The following OOEP variants were observed in gnomAD, a reference collection of about 807,000 sequenced individuals.
The protein encoded by OOEP is oocyte expressed protein.
OOEP carries 16 observed loss-of-function variants against 13.7 expected under a neutral mutation model. The ratio of observed to expected loss-of-function variants is 1.16; its 90% CI spans 0.79 to 1.77. The LOEUF (loss-of-function observed/expected upper bound fraction) is 1.77, where lower values mean the gene tolerates loss of function less well. Among genes scored for constraint, OOEP ranks in the 40% most tolerant of loss-of-function variants. The probability of loss-of-function intolerance (pLI) is 0.00; values close to 1 mark genes in which losing one functional copy is unlikely to be tolerated. For missense variants in OOEP, 195 were observed against 193.1 expected (o/e 1.01, Z -0.06); for synonymous variants, 89 against 77.1 (o/e 1.15, Z -0.81).
At chr6:73,381,756 GGAT>G (rs1769211590) in intron 2 of OOEP, among the ~76,000 whole-genome samples, 1 of 152,118 alleles carries the variant, frequency 6.6e-6, no homozygotes, top group Non-Finnish European at 1.5e-5. Flanking sequence ...TGAGGTGGGT[GGAT>G]CACTTGAAGT....
intron 2 of OOEP, among the ~76,000 whole-genome samples, chr6:73,378,491 T>C (rs1181532609): frequency 6.6e-6 from 1 of 152,078 alleles, no homozygotes; most frequent in Non-Finnish European, 1.5e-5. Flanking sequence ...GCATGGTGGC[T>C]CATGCCTGAT....
At chr6:73,387,001 AAAG>A (rs1483564156) in intron 2 of OOEP, among the ~76,000 whole-genome samples, 1 of 149,298 alleles carries the variant, frequency 6.7e-6, no homozygotes, top group Non-Finnish European at 1.5e-5. Context: ...AAAAAAAAAA[AAAG>A]AACAGCAGAG....
chr6:73,394,812 G>C (rs1217832168), exon 1 of OOEP: 2 of 1,538,000 alleles, frequency 1.3e-6, no homozygotes, highest in Non-Finnish European at 1.7e-6. Flanking sequence ...AGTAGCGGCT[G>C]CGTGGCTTCC....
exon 1 of OOEP, chr6:73,394,740 C>G (rs1463434112): frequency 9.3e-6 from 9 of 966,730 alleles, no homozygotes; most frequent in Non-Finnish European, 1.3e-5. Context: ...TGCGTGAAAT[C>G]AGTGCGAAGT....
At chr6:73,394,525 G>T in intron 1 of OOEP, 1 of 592,176 alleles carries the variant, frequency 1.7e-6, no homozygotes, top group South Asian at 2.0e-5. Flanking sequence ...CCAAGGCACT[G>T]AGATGCCAGG....
intron 2 of OOEP, among the ~76,000 whole-genome samples, chr6:73,379,933 C>T (rs1769179336): frequency 6.6e-6 from 1 of 152,222 alleles, no homozygotes; most frequent in East Asian, 1.9e-4. Context: ...GTTGTTTTGA[C>T]TGAAGAAAAT....
At chr6:73,394,929 C>CA in exon 1 of OOEP, 1 of 1,614,252 alleles carries the variant, frequency 6.2e-7, no homozygotes, top group Non-Finnish European at 8.5e-7. Flanking sequence ...GAGGAGCTCC[C>CA]AAGGCCTCTA....
At chr6:73,394,445 C>A in exon 2 of OOEP, 2 of 704,720 alleles carry the variant, frequency 2.8e-6, no homozygotes, top group East Asian at 2.7e-5. Flanking sequence ...AGCCAGAAGC[C>A]AAGAGTTCAA....
intron 2 of OOEP, among the ~76,000 whole-genome samples, chr6:73,381,205 TAAAA>T (rs66507015): frequency 0.031 from 3,165 of 100,918 alleles, 97 homozygotes; most frequent in African/African-American, 0.086. Flanking sequence ...AAAAAAGTGT[TAAAA>T]AAAAAAAAAA....
At chr6:73,372,792 C>T (rs1562277419), upstream of OOEP, among the ~76,000 whole-genome samples, 1 of 152,082 alleles carries the variant, frequency 6.6e-6, no homozygotes, top group African/African-American at 2.4e-5. Flanking sequence ...GCCAGGGATC[C>T]TGCAGTGGGC....
At chr6:73,380,233 GT>G (rs1238093128) in intron 2 of OOEP, among the ~76,000 whole-genome samples, 1 of 147,918 alleles carries the variant, frequency 6.8e-6, no homozygotes, top group Non-Finnish European at 1.5e-5. Context: ...GGTGATACAA[GT>G]TTTCCAAAAT....
chr6:73,370,416 C>T (rs1288204347), upstream of OOEP, among the ~76,000 whole-genome samples: 2 of 152,096 alleles, frequency 1.3e-5, no homozygotes, highest in African/African-American at 2.4e-5. Context: ...TTTCCAGTAT[C>T]CTAAGACAAC....
At chr6:73,386,091 C>CTTTT (rs553140658) in intron 2 of OOEP, among the ~76,000 whole-genome samples, 1 of 134,820 alleles carries the variant, frequency 7.4e-6, no homozygotes. Flanking sequence ...ACATGCTTTT[C>CTTTT]TTTTTTTTTT....
chr6:73,368,720 T>C lies in OOEP; in HGVS notation c.*64A>G, dbSNP rs1768995177. On this transcript the variant is annotated 3_prime_UTR_variant, in exon 3 of 3. Coordinates refer to ENST00000370359, the MANE Select transcript of OOEP (RefSeq NM_001080507.3). ...GGGGATTTAAGAATGCTATACTTGC[T>C]TTTCTTCAACTTTAGCAGCAAAAGT... 1.8e-6 allele frequency: 2 copies of C among 1,104,156 alleles called. No homozygotes were observed. The highest frequency in any genetic ancestry group is 1.3e-5 in the South Asian group (1 of 78,748). 68.4% of individuals were successfully genotyped at this position (1,104,156 alleles called of 1,614,324 possible).
At chr6:73,376,501 C>T (rs141919969) in intron 2 of OOEP, among the ~76,000 whole-genome samples, 7 of 112,518 alleles carry the variant, frequency 6.2e-5, no homozygotes, top group Non-Finnish European at 1.2e-4. Context: ...TTATTTGAGA[C>T]GGAGTCTGTT....
At chr6:73,373,674 C>A (rs868729688), upstream of OOEP, among the ~76,000 whole-genome samples, 9 of 152,146 alleles carry the variant, frequency 5.9e-5, no homozygotes, top group African/African-American at 2.2e-4. Flanking sequence ...ACTGCAACCT[C>A]CGCCTCCTGG....
At chr6:73,371,691 C>T (rs536283286), upstream of OOEP, among the ~76,000 whole-genome samples, 3 of 151,514 alleles carry the variant, frequency 2.0e-5, no homozygotes, top group East Asian at 1.9e-4. Flanking sequence ...CGGAGGTTGT[C>T]GTGAGCCAAG....
chr6:73,379,425 C>T (rs1769172746), intron 2 of OOEP, among the ~76,000 whole-genome samples: 1 of 151,296 alleles, frequency 6.6e-6, no homozygotes, highest in African/African-American at 2.4e-5. Context: ...GGGTGGATCA[C>T]TTGAGGTTAG....
intron 2 of OOEP, among the ~76,000 whole-genome samples, chr6:73,393,042 A>G (rs1582631834): frequency 1.3e-5 from 2 of 151,916 alleles, no homozygotes; most frequent in Non-Finnish European, 2.9e-5. Context: ...TGCTGGGATT[A>G]CAGCCATGAG....
Sources: allele counts gnomAD v4.1 joint callset (sites outside exome capture counted in the v4.1 genomes callset), GRCh38; gene constraint gnomAD v4.1.1; transcripts MANE v1.5; gene names NCBI Gene and HGNC (gene_info 2026-07-23, HGNC 2026-07-21).